The following DLG5 variants were observed in gnomAD, a reference collection of about 807,000 sequenced individuals.
The protein encoded by DLG5 is discs large MAGUK scaffold protein 5, also known as disks large homolog 5.
DLG5 carries 48 observed loss-of-function variants against 189.8 expected under a neutral mutation model. The observed-to-expected ratio is 0.25, with a 90% CI of 0.20 to 0.32. DLG5 has a LOEUF of 0.32. Ranked by LOEUF, DLG5 falls within the 10% of genes least tolerant of loss-of-function variation. The pLI, the probability that DLG5 is intolerant of heterozygous loss-of-function variation, is 1.00. For synonymous variants in DLG5, 1,016 were observed against 1,054.1 expected (o/e 0.96, Z 0.70); for missense variants, 2,160 against 2,544.7 (o/e 0.85, Z 3.25).
At chr10:77,861,261 A>T (rs1046081096) in intron 2 of DLG5, among the ~76,000 whole-genome samples, 1 of 152,254 alleles carries the variant, frequency 6.6e-6, no homozygotes, top group African/African-American at 2.4e-5. Context: ...ACATCAGGCC[A>T]CACTTTCAGA....
rs1842083388 is a variant in DLG5 at position 77,816,898 on chromosome 10, C to G, written c.3874+109G>C. 2.1e-6 allele frequency: 3 copies of G among 1,424,904 alleles called. No individual in the cohort carries two copies. In the South Asian group the frequency reaches 3.5e-5, roughly 17 times the overall value. 88.3% of individuals were successfully genotyped at this position (1,424,904 alleles called of 1,614,324 possible). On this transcript the variant is annotated intron_variant, in intron 19 of 31. Transcript: ENST00000372391. Reference sequence around the variant, plus strand: ...TACTGCTGGGCTCAGTGAATTTTTACTGACTGACTGAGATGACTATGAAGT... The same window carrying G: ...TACTGCTGGGCTCAGTGAATTTTTAGTGACTGACTGAGATGACTATGAAGT...
At position 77,915,539 on chromosome 10, in the gene DLG5, T is replaced by TA. The variant is rs1224576151; in HGVS notation, c.304+10677dup. ...AATCAGTTTGGGAAACACTGCCTAA[T>TA]AAAGCCACTCTAGTGAAGCCCCAAA... is the stretch of plus-strand genomic sequence containing the variant. On this transcript the variant is annotated intron_variant, in intron 1 of 31. Transcript: ENST00000372391. Among the ~76,000 whole-genome samples, 6 of 152,320 alleles carry TA rather than the reference T, an allele frequency of 3.9e-5. No homozygotes were observed. The East Asian group carries it at 1.2e-3, about 29-fold the overall frequency.
At chr10:77,813,160 G>A (rs1470065226) in intron 20 of DLG5, among the ~76,000 whole-genome samples, 58 of 152,348 alleles carry the variant, frequency 3.8e-4, no homozygotes, top group East Asian at 1.9e-4. Context: ...CAAGTGATGC[G>A]GAGCCTCCCG....
rs147883846 is a variant in DLG5, at chr10:77,806,804, C to G, written c.4921G>C (p.Glu1641Gln). ...FGSWMAWQLD[E>Q]NAQKIQRGQI... ...CCGCGCTGGATCTTCTGGGCATTCT[C>G]GTCCAGCTGCCAAGCCATCCAGGAC... is the stretch of plus-strand genomic sequence containing the variant. The change falls in exon 26 of 32, where the codon GAG becomes CAG. Residue 1641 changes from glutamate (E) to glutamine (Q), a missense_variant. This residue lies in a region of DLG5 where 574 missense variants were observed against 644.2 expected (regional missense o/e 0.89). Coordinates refer to ENST00000372391, the MANE Select transcript of DLG5 (RefSeq NM_004747.4). 6.2e-7 allele frequency: 1 copy of G among 1,610,920 alleles called. No homozygotes were observed. Among genetic ancestry groups the G allele is most frequent in the Admixed American group, 1.7e-5 (1 of 59,928 alleles).
rs771876214 is a variant in DLG5, at chr10:77,811,952, G to A, written c.4294C>T (p.His1432Tyr). The change falls in exon 22 of 32, where the codon CAC (histidine) becomes TAC (tyrosine). Residue 1432 changes from histidine (H) to tyrosine (Y), a missense_variant. Physicochemically the swap from His to Tyr is moderately conservative, Grantham distance 83. Transcript: ENST00000372391. The stretch of plus-strand genomic sequence containing the variant: ...GACCGGGAGTGGCTGCTGAGCTGGT[G>A]CACGTGGGGGTTGTACTGGGCCAGG... ...TILAQYNPHVHQLSSHSRSSS... is the reference protein window; with the variant it reads ...TILAQYNPHVYQLSSHSRSSS... 8.7e-6 allele frequency: 14 copies of A among 1,608,192 alleles called. No homozygotes were observed. The highest frequency in any genetic ancestry group is 1.2e-5 in the Non-Finnish European group (14 of 1,179,906).
chr10:77,796,444 C>G lies in DLG5; in HGVS notation c.5308+7G>C. ...AGTAGGCACAGAGGGTGCCCCGTGC[C>G]CCTTACCAAGGGGACATCTGCAGAA... On this transcript the variant is annotated splice_region_variant and intron_variant, in intron 28 of 31. Transcript: ENST00000372391. This position sits in a 1 kb window ranked among gnomAD's most constrained non-coding sequence, Gnocchi z 5.2. The G allele has an allele frequency of 6.2e-7, 1 of 1,614,162 alleles. No individual in the cohort carries two copies. The highest frequency in any genetic ancestry group is 2.2e-5 in the East Asian group (1 of 44,878).
chr10:77,828,139 A>G (rs1011072803), intron 13 of DLG5, among the ~76,000 whole-genome samples: 76 of 152,300 alleles, frequency 5.0e-4, no homozygotes, highest in African/African-American at 1.8e-3. Context: ...CAATTTTTTT[A>G]ATTGTCCTTG....
intron 27 of DLG5, among the ~76,000 whole-genome samples, chr10:77,803,344 T>G (rs1841311238): frequency 1.3e-5 from 2 of 152,224 alleles, no homozygotes; most frequent in Admixed American, 1.3e-4. Context: ...TGTAAATGAA[T>G]GTGTGCATTG....
intron 1 of DLG5, among the ~76,000 whole-genome samples, chr10:77,896,697 G>A (rs965541098): frequency 2.0e-5 from 3 of 151,794 alleles, no homozygotes; most frequent in African/African-American, 7.3e-5. Context: ...AAAAAAATTT[G>A]CCGGGCATGG....
intron 8 of DLG5, among the ~76,000 whole-genome samples, chr10:77,834,912 C>T (rs1186484364): frequency 6.6e-6 from 1 of 152,148 alleles, no homozygotes; most frequent in Non-Finnish European, 1.5e-5. Context: ...CCCCTAGAGA[C>T]ATTGGTCTCT....
At chr10:77,916,147 G>A (rs969921972) in intron 1 of DLG5, among the ~76,000 whole-genome samples, 3 of 152,092 alleles carry the variant, frequency 2.0e-5, no homozygotes, top group East Asian at 3.9e-4. Context: ...TTGAGCCCAG[G>A]AGGTTGAGGC....
intron 1 of DLG5, among the ~76,000 whole-genome samples, chr10:77,877,314 T>C (rs1322576817): frequency 1.3e-5 from 2 of 150,380 alleles, no homozygotes; most frequent in Non-Finnish European, 2.9e-5. Context: ...TTTTTTTTTT[T>C]CCTCTTTTAA....
chr10:77,867,166 G>C (rs1844716091), intron 2 of DLG5: 1 of 434,790 alleles, frequency 2.3e-6, no homozygotes, highest in Non-Finnish European at 4.6e-6. Flanking sequence ...GAATATGCTG[G>C]GGTCCAGCTG....
At position 77,853,434 on chromosome 10, in the gene DLG5, G is replaced by T; in HGVS notation, c.784C>A (p.Gln262Lys). Residue 262 changes from glutamine to lysine, a missense_variant, in exon 5 of 32, where the codon CAG (glutamine) becomes AAG (lysine). Physicochemically the swap from Gln to Lys is moderately conservative, Grantham distance 53. Coordinates refer to ENST00000372391, the MANE Select transcript of DLG5 (RefSeq NM_004747.4). The stretch of plus-strand genomic sequence containing the variant: ...CGCTTCATGTCCTCCCATGACTGCT[G>T]CAGCAGGTTTCGCTCCCGCAGCAGC... ...GQLLRERNLL[Q>K]QSWEDMKRLH... 6.2e-7 allele frequency: 1 copy of T among 1,610,314 alleles called. No homozygotes were observed. The highest frequency in any genetic ancestry group is 8.5e-7 in the Non-Finnish European group (1 of 1,178,350).
At chr10:77,912,458 C>T (rs1415488884) in intron 1 of DLG5, 1 of 152,038 alleles carries the variant, frequency 6.6e-6, no homozygotes, top group Admixed American at 6.6e-5. Flanking sequence ...GCATAGCACA[C>T]TACAGCCCAG....
chr10:77,829,838 T>C (rs1291856131), intron 11 of DLG5, among the ~76,000 whole-genome samples: 1 of 152,198 alleles, frequency 6.6e-6, no homozygotes, highest in Admixed American at 6.5e-5. Context: ...ATTAATCAAT[T>C]AATTTCTATA....
At chr10:77,898,586 C>G (rs1175685107) in intron 1 of DLG5, among the ~76,000 whole-genome samples, 1 of 152,198 alleles carries the variant, frequency 6.6e-6, no homozygotes, top group Non-Finnish European at 1.5e-5. Flanking sequence ...TCTTTTAATC[C>G]GAACCCCAAT....
At chr10:77,809,144 T>C (rs1262126982) in intron 24 of DLG5, among the ~76,000 whole-genome samples, 1 of 142,560 alleles carries the variant, frequency 7.0e-6, no homozygotes, top group Non-Finnish European at 1.5e-5. Context: ...CGGTAGCTCA[T>C]GCCTATAATC....
At chr10:77,799,601 T>C (rs1841097514) in intron 27 of DLG5, among the ~76,000 whole-genome samples, 1 of 152,238 alleles carries the variant, frequency 6.6e-6, no homozygotes, top group African/African-American at 2.4e-5. Flanking sequence ...GTCTGTGGTA[T>C]TGGTTTTTTG....
Sources: gnomAD v4.1 joint callset for allele counts (sites outside exome capture counted in the v4.1 genomes callset) on GRCh38, gnomAD v4.1.1 for gene constraint, gnomAD v4.1.1 regional missense constraint, Gnocchi (gnomAD v3.1) non-coding constraint, MANE v1.5 for transcripts, NCBI Gene and HGNC (gene_info 2026-07-23, HGNC 2026-07-21) for gene names.